FAM83H: variants seen among roughly 807,000 people sequenced by gnomAD.
The protein encoded by FAM83H is scaffolding CK1 anchoring protein H.
In FAM83H, 24 loss-of-function variants were observed where a neutral mutation model predicts 30.2. The ratio of observed to expected loss-of-function variants is 0.79; its 90% CI spans 0.57 to 1.12. The LOEUF (loss-of-function observed/expected upper bound fraction) is 1.12, where lower values mean the gene tolerates loss of function less well. Ranked by LOEUF, FAM83H falls within the 50% of genes most tolerant of loss-of-function variation. The pLI is 0.00. For missense variants in FAM83H, 2,038 were observed against 1,773.9 expected, an observed-to-expected ratio of 1.15 and a Z score of -2.67; for synonymous variants, 1,013 against 821.7, an observed-to-expected ratio of 1.23 and a Z score of -3.98.
At chr8:143,729,431 G>A (rs529253380) in intron 2 of FAM83H, 108 bp from the exon 3 acceptor site, 3 of 1,271,140 alleles carry the variant, frequency 2.4e-6, no homozygotes, top group East Asian at 4.9e-5. Flanking sequence ...CGACCACTGT[G>A]AAACAAGCTA....
Position 143,727,889 on chromosome 8 carries a change from G to T in FAM83H, c.1572C>A (p.Asp524Glu), listed in dbSNP as rs782009133. The T allele has an allele frequency of 1.6e-5, 23 of 1,427,152 alleles. No individual in the cohort carries two copies. In the South Asian group the frequency reaches 3.2e-4, roughly 20 times the overall value. The allele number at this position is 1,427,152 out of a possible 1,614,324, so 88.4% of individuals were successfully genotyped here. ...CGCGGGGTCCGGGCGCGAAGGCGGGGTCCGAGCCGTGGCGCACCTCGCGGG... is the reference window on the plus strand; with the variant it reads ...CGCGGGGTCCGGGCGCGAAGGCGGGTTCCGAGCCGTGGCGCACCTCGCGGG... The part of the protein sequence containing the change: ...SASREVRHGS[D>E]PAFAPGPRGL... The change falls in exon 5 of 5, where the codon GAC becomes GAA. Residue 524 changes from aspartate to glutamate, a missense_variant. Transcript: ENST00000388913.
rs1554622063 is a variant in FAM83H at position 143,726,784 on chromosome 8, G to C, written c.2677C>G (p.Pro893Ala). 6.2e-7 allele frequency: 1 copy of C among 1,612,346 alleles called. No homozygotes were observed. The highest frequency in any genetic ancestry group is 1.1e-5 in the South Asian group (1 of 91,062). The change falls in exon 5 of 5, where the codon CCA becomes GCA. Residue 893 changes from proline (P) to alanine (A), a missense_variant. Physicochemically the swap from Pro to Ala is conservative, Grantham distance 27. Transcript: ENST00000388913. ...TTCTGCTCGATAAATCCTGTAGTTG[G>C]ACTTCCTCTTCGAGTGGAAAACCCA... is the stretch of plus-strand genomic sequence containing the variant. ...TPGFSTRRGS[P>A]TTGFIEQKGS...
intron 1 of FAM83H, chr8:143,731,378 G>A (rs1818516012): frequency 4.1e-6 from 4 of 985,144 alleles, no homozygotes; most frequent in African/African-American, 1.7e-5. Flanking sequence ...ACCACGCCTA[G>A]CCCAAGGTGA....
In FAM83H at chr8:143,730,273, C is replaced by T. The variant is rs782518606; in HGVS notation, c.310G>A (p.Val104Met). The part of the protein sequence containing the change: ...TYWPVNSDQA[V>M]PELDLGWPLT... ...GGCCAGCCCAAATCAAGCTCAGGCA[C>T]GGCCTGGTCTGAGTTCACTGGCCAG... Residue 104 changes from valine (V) to methionine (M), a missense_variant, in exon 2 of 5, where the codon GTG (valine) becomes ATG (methionine). Transcript: ENST00000388913. 2.2e-5 allele frequency: 36 copies of T among 1,613,408 alleles called. No individual in the cohort carries two copies. The highest frequency in any genetic ancestry group is 1.0e-4 in the Admixed American group (6 of 60,004).
rs181812686 is a variant in FAM83H, at chr8:143,725,843, G to C, written c.*78C>G. On this transcript the variant is annotated 3_prime_UTR_variant, in exon 5 of 5. Transcript: ENST00000388913. Reference sequence around the variant, plus strand: ...GCCGCTGCTCAAGCAGATGAGCAGGGCTCTCTGTTCCGCGGGGCTTCTGGA... The same window carrying C: ...GCCGCTGCTCAAGCAGATGAGCAGGCCTCTCTGTTCCGCGGGGCTTCTGGA... 2 of 1,572,472 alleles carry C rather than the reference G, an allele frequency of 1.3e-6. No individual in the cohort carries two copies. The highest frequency in any genetic ancestry group is 4.6e-5 in the East Asian group (2 of 43,422).
chr8:143,725,624 G>A lies in FAM83H; in HGVS notation c.*297C>T. ...GGGGACTGAGGCACAAAGAGATGGC[G>A]GAGCCAGACGCTGCGCCACGCAAGG... On this transcript the variant is annotated 3_prime_UTR_variant, in exon 5 of 5. Coordinates refer to ENST00000388913, the MANE Select transcript of FAM83H (RefSeq NM_198488.5). 5.5e-6 allele frequency: 3 copies of A among 546,502 alleles called. No homozygotes were observed. Among genetic ancestry groups the A allele is most frequent in the South Asian group, 2.2e-5 (1 of 44,858 alleles). The allele number at this position is 546,502 out of a possible 1,614,324, so 33.9% of individuals were successfully genotyped here. A position where few individuals can be genotyped will look rare whatever the true frequency, so the allele number is the denominator to read the frequency against.
In FAM83H at chr8:143,728,350, C is replaced by T. The variant is rs1554623312; in HGVS notation, c.1111G>A (p.Ala371Thr). ...RMPGGALEPHAGLRPLSRRLE... is the reference protein window; with the variant it reads ...RMPGGALEPHTGLRPLSRRLE... ...CGCCGCGAGAGCGGCCGCAGCCCCG[C>T]GTGCGGTTCCAGCGCGCCCCCCGGC... The change falls in exon 5 of 5, where the codon GCG becomes ACG. Residue 371 changes from alanine to threonine, a missense_variant. Ala to Thr is a moderately conservative substitution (Grantham distance 58). Transcript: ENST00000388913. 3.3e-6 allele frequency: 5 copies of T among 1,529,656 alleles called. No homozygotes were observed. Among genetic ancestry groups the T allele is most frequent in the African/African-American group, 1.4e-5 (1 of 71,310 alleles). The allele number at this position is 1,529,656 out of a possible 1,614,324, so 94.8% of individuals were successfully genotyped here.
intron 1 of FAM83H, among the ~76,000 whole-genome samples, chr8:143,731,133 T>A: frequency 7.2e-6 from 1 of 139,826 alleles, no homozygotes; most frequent in Admixed American, 7.1e-5. Context: ...CCCCCCCAAA[T>A]ATTTCATGAC....
At position 143,727,153 on chromosome 8, in the gene FAM83H, G is replaced by A; in HGVS notation, c.2308C>T (p.Arg770Trp). 6.5e-7 allele frequency: 1 copy of A among 1,534,524 alleles called. No homozygotes were observed. The highest frequency in any genetic ancestry group is 8.7e-7 in the Non-Finnish European group (1 of 1,146,220). ...GCACCTGGGGCCGCCACCTCTTCCC[G>A]CCACGCCTGGGACACGACGGCCTTG... ...HSKAVVSQAW[R>W]EEVAAPGAVG... The change falls in exon 5 of 5, where the codon CGG becomes TGG. Residue 770 changes from arginine (R) to tryptophan (W), a missense_variant. Arg to Trp is a moderately radical substitution (Grantham distance 101, BLOSUM62 -3). Transcript: ENST00000388913.
Position 143,724,180 on chromosome 8 carries a change from T to C in FAM83H, c.*1741A>G, listed in dbSNP as rs1818199531. ...CCCGCTTCCAGGCACCTTTCCCACC[T>C]GGCCAGAAGTCCCTGCTGTCATCCC... is the stretch of plus-strand genomic sequence containing the variant. On this transcript the variant is annotated 3_prime_UTR_variant, in exon 5 of 5. Coordinates refer to ENST00000388913, the MANE Select transcript of FAM83H (RefSeq NM_198488.5). 1 of 152,234 alleles carries C rather than the reference T, an allele frequency of 6.6e-6. No homozygotes were observed. Among genetic ancestry groups the C allele is most frequent in the African/African-American group, 2.4e-5 (1 of 41,454 alleles). 9.4% of individuals were successfully genotyped at this position (152,234 alleles called of 1,614,324 possible). A position where few individuals can be genotyped will look rare whatever the true frequency, so the allele number is the denominator to read the frequency against.
At chr8:143,732,464 C>G in intron 1 of FAM83H, 2 of 985,368 alleles carry the variant, frequency 2.0e-6, no homozygotes, top group Non-Finnish European at 1.2e-6. Context: ...GGGGAACAAC[C>G]CTGCTGATGT....
chr8:143,728,490 T>C lies in FAM83H; in HGVS notation c.971A>G (p.Lys324Arg), dbSNP rs1818394783. Reference sequence around the variant, plus strand: ...TGGCGGGAACAGGAGGTGCGCTCGTTTAGGGAAGGAGAAGGGGGTTGGCGC... The same window carrying C: ...TGGCGGGAACAGGAGGTGCGCTCGTCTAGGGAAGGAGAAGGGGGTTGGCGC... Reference protein sequence around the residue: ...VGAPTPFSFPKRAHLLFPPPR... With the variant: ...VGAPTPFSFPRRAHLLFPPPR... Residue 324 changes from lysine to arginine, a missense_variant, in exon 5 of 5, where the codon AAA becomes AGA. Coordinates refer to ENST00000388913, the MANE Select transcript of FAM83H (RefSeq NM_198488.5). The C allele has an allele frequency of 3.9e-6, 6 of 1,554,510 alleles. No homozygotes were observed. Among genetic ancestry groups the C allele is most frequent in the South Asian group, 2.4e-5 (2 of 84,722 alleles).
intron 1 of FAM83H, chr8:143,731,737 C>T (rs1818528021): frequency 1.0e-6 from 1 of 985,368 alleles, no homozygotes; most frequent in African/African-American, 1.7e-5. Context: ...CCCACCAGCC[C>T]CCATCCAGGG....
In FAM83H at chr8:143,727,511, G is replaced by A; in HGVS notation, c.1950C>T (p.Asn650=). 1 of 1,572,834 alleles carries A rather than the reference G, an allele frequency of 6.4e-7. No individual in the cohort carries two copies. Among genetic ancestry groups the A allele is most frequent in the Non-Finnish European group, 8.6e-7 (1 of 1,167,036 alleles). Residue 650 remains asparagine, a synonymous_variant, in exon 5 of 5, where the codon AAC becomes AAT. Transcript: ENST00000388913. Reference sequence around the variant, plus strand: ...CCTCCGGGCCCTCGCGCTCTGGGCCGTTGCCGCCGCTGCCCGGGCCTGGCA... The same window carrying A: ...CCTCCGGGCCCTCGCGCTCTGGGCCATTGCCGCCGCTGCCCGGGCCTGGCA... ...VPVPGPGSGG[N]GPEREGPEEP... is the part of the protein sequence containing the mutation.
Position 143,725,552 on chromosome 8 carries a change from C to T in FAM83H, c.*369G>A. ...CAGAGGTTGCAGTGAGCCCAGACCGCTCAACTGCACTCCAGCCCTAGGTCT... is the reference window on the plus strand; with the variant it reads ...CAGAGGTTGCAGTGAGCCCAGACCGTTCAACTGCACTCCAGCCCTAGGTCT... On this transcript the variant is annotated 3_prime_UTR_variant, in exon 5 of 5. Coordinates refer to ENST00000388913, the MANE Select transcript of FAM83H (RefSeq NM_198488.5). 2.8e-6 allele frequency: 1 copy of T among 363,154 alleles called. No homozygotes were observed. Among genetic ancestry groups the T allele is most frequent in the Admixed American group, 4.2e-5 (1 of 23,654 alleles). 22.5% of individuals were successfully genotyped at this position (363,154 alleles called of 1,614,324 possible).
Position 143,730,435 on chromosome 8 carries a change from CGGTAGCGAGGAAGCGGCTGTAG to C in FAM83H, c.126_147del (p.Tyr43ArgfsTer15). 1 of 1,612,530 alleles carries C rather than the reference CGGTAGCGAGGAAGCGGCTGTAG, an allele frequency of 6.2e-7. No homozygotes were observed. The highest frequency in any genetic ancestry group is 8.5e-7 in the Non-Finnish European group (1 of 1,179,994). Reference sequence around the variant, plus strand: ...GGGCACAGGAAGTCTGGTGCCCCCTCGGTAGCGAGGAAGCGGCTGTAGGCCTCCGAGCCACCCTCGGCCAGTG... The same window carrying C: ...GGGCACAGGAAGTCTGGTGCCCCCTCGCCTCCGAGCCACCCTCGGCCAGTG... On this transcript the variant is annotated frameshift_variant, in exon 2 of 5. Coordinates refer to ENST00000388913, the MANE Select transcript of FAM83H (RefSeq NM_198488.5). LOFTEE classifies it high-confidence loss of function.
chr8:143,731,900 C>G (rs1469402497), intron 1 of FAM83H: 4 of 985,318 alleles, frequency 4.1e-6, no homozygotes, highest in Non-Finnish European at 4.8e-6. Context: ...CACACAGGGT[C>G]ACTGAGCTAC....
At position 143,730,191 on chromosome 8, in the gene FAM83H, G is replaced by C; in HGVS notation, c.392C>G (p.Pro131Arg). ...CTCATCCTTGATACTGGGGCTGTCG[G>C]GGGGCGGTGGCTGCACCAAGGTGGT... ...EVTTLVQPPP[P>R]DSPSIKDEAR... The change falls in exon 2 of 5, where the codon CCC becomes CGC. Residue 131 changes from proline (P) to arginine (R), a missense_variant. Physicochemically the swap from Pro to Arg is moderately radical, Grantham distance 103. Transcript: ENST00000388913. 1 of 1,609,724 alleles carries C rather than the reference G, an allele frequency of 6.2e-7. No individual in the cohort carries two copies. The highest frequency in any genetic ancestry group is 8.5e-7 in the Non-Finnish European group (1 of 1,177,098).
Position 143,726,966 on chromosome 8 carries a change from G to A in FAM83H, c.2495C>T (p.Pro832Leu). 6.2e-7 allele frequency: 1 copy of A among 1,607,288 alleles called. No homozygotes were observed. The highest frequency in any genetic ancestry group is 8.5e-7 in the Non-Finnish European group (1 of 1,177,822). ...GCTCTGGGCAGAGAGGAAGCGGGAA[G>A]GCAGGCGGTCGGAGCCGCTCCGGCC... is the stretch of plus-strand genomic sequence containing the variant. ...TLGRSGSDRL[P>L]SRFLSAQSHS... is the part of the protein sequence containing the mutation. Residue 832 changes from proline (P) to leucine (L), a missense_variant, in exon 5 of 5, where the codon CCT becomes CTT. Physicochemically the swap from Pro to Leu is moderately conservative, Grantham distance 98. Coordinates refer to ENST00000388913, the MANE Select transcript of FAM83H (RefSeq NM_198488.5).
Sources: gnomAD v4.1 joint callset for allele counts (sites outside exome capture counted in the v4.1 genomes callset) on GRCh38, gnomAD v4.1.1 for gene constraint, MANE v1.5 for transcripts, NCBI Gene and HGNC (gene_info 2026-07-23, HGNC 2026-07-21) for gene names.